TEAD3: variants seen among roughly 807,000 people sequenced by gnomAD.
TEAD3 encodes the protein transcriptional enhancer factor TEF-5.
A neutral mutation model predicts 55.6 loss-of-function variants in TEAD3; 15 were observed. The observed-to-expected ratio is 0.27, with a 90% confidence interval of 0.18 to 0.42. TEAD3 has a LOEUF of 0.42. Ranked by LOEUF, TEAD3 falls within the 10% of genes least tolerant of loss-of-function variation. The pLI is 1.00. For synonymous variants in TEAD3, 210 were observed against 232.2 expected, an observed-to-expected ratio of 0.90 and a Z score of 0.87; for missense variants, 407 against 576.8, an observed-to-expected ratio of 0.71 and a Z score of 3.01.
chr6:35,477,440 C>G, intron 7 of TEAD3, 68 bp from the exon 8 acceptor site: 1 of 1,484,406 alleles, frequency 6.7e-7, no homozygotes, highest in Non-Finnish European at 9.1e-7. Context: ...CCCAGCCCCT[C>G]TTCCAAGACC....
At chr6:35,478,017 ATTTT>A (rs57932235) in intron 7 of TEAD3, among the ~76,000 whole-genome samples, 2 of 137,832 alleles carry the variant, frequency 1.5e-5, no homozygotes, top group Admixed American at 7.3e-5. Flanking sequence ...CACCCAGCTA[ATTTT>A]TTTTTTTTTT....
intron 1 of TEAD3, among the ~76,000 whole-genome samples, chr6:35,490,122 C>T (rs1238211485): frequency 6.6e-6 from 1 of 152,180 alleles, no homozygotes. Context: ...CAGGCAGCCC[C>T]AGACTTTTAA....
Position 35,475,379 on chromosome 6 carries a change from T to G in TEAD3, c.1151A>C (p.Lys384Thr), listed in dbSNP as rs1489401271. Residue 384 changes from lysine (K) to threonine (T), a missense_variant, in exon 12 of 13, where the codon AAG becomes ACG. Lys to Thr is a moderately conservative substitution (Grantham distance 78). Transcript: ENST00000639578. This position sits in a 1 kb window ranked among gnomAD's most constrained non-coding sequence, Gnocchi z 5.4. ...CTCCAGCACGCTGTTCATCATGTAC[T>G]TCTCGGGCAGGTGCTTCAGCTTGTG... The G allele has an allele frequency of 5.0e-6, 8 of 1,614,000 alleles. No individual in the cohort carries two copies. Among genetic ancestry groups the G allele is most frequent in the Non-Finnish European group, 6.8e-6 (8 of 1,180,006 alleles).
At position 35,475,713 on chromosome 6, in the gene TEAD3, A is replaced by G. The variant is rs747005588; in HGVS notation, c.901-7T>C. ...TGGTGCTGTTGAGGTCGGCCTGGGC[A>G]TGGGGGTGGGGGGTGTTAGGTGCTG... On this transcript the variant is annotated splice_region_variant and splice_polypyrimidine_tract_variant and intron_variant, in intron 10 of 12. Transcript: ENST00000639578. This position sits in a 1 kb window ranked among gnomAD's most constrained non-coding sequence, Gnocchi z 5.4. The G allele has an allele frequency of 1.3e-6, 2 of 1,581,266 alleles. No individual in the cohort carries two copies. Among genetic ancestry groups the G allele is most frequent in the African/African-American group, 2.7e-5 (2 of 74,036 alleles).
chr6:35,487,548 CAAAA>C (rs869103103), intron 1 of TEAD3, among the ~76,000 whole-genome samples: 133 of 54,636 alleles, frequency 2.4e-3, no homozygotes, highest in East Asian at 0.016. Flanking sequence ...CGAGACTCCT[CAAAA>C]AAAAAAAAAA....
Position 35,484,500 on chromosome 6 carries a change from G to T in TEAD3, c.267+60C>A. ...GTGGGCAGGGTAGGGGCAAGGGGTTGACCGGGGCAGCTGAGACAGAGTGTG... is the reference window on the plus strand; with the variant it reads ...GTGGGCAGGGTAGGGGCAAGGGGTTTACCGGGGCAGCTGAGACAGAGTGTG... On this transcript the variant is annotated intron_variant, in intron 3 of 12. Transcript: ENST00000639578. This position sits in a 1 kb window ranked among gnomAD's most constrained non-coding sequence, Gnocchi z 5.8. 1 of 1,527,292 alleles carries T rather than the reference G, an allele frequency of 6.5e-7. No individual in the cohort carries two copies. The allele number at this position is 1,527,292 out of a possible 1,614,324, so 94.6% of individuals were successfully genotyped here. A position where few individuals can be genotyped will look rare whatever the true frequency, so the allele number is the denominator to read the frequency against.
chr6:35,490,875 G>C (rs1430078756), intron 1 of TEAD3, among the ~76,000 whole-genome samples: 1 of 152,154 alleles, frequency 6.6e-6, no homozygotes, highest in Non-Finnish European at 1.5e-5. Flanking sequence ...CGGGCGAGAG[G>C]GCAAGCCCTG....
chr6:35,493,463 A>G (rs1768575956), intron 1 of TEAD3, among the ~76,000 whole-genome samples: 1 of 152,104 alleles, frequency 6.6e-6, no homozygotes, highest in Admixed American at 6.5e-5. Flanking sequence ...CCACAGCGCC[A>G]GCATCAGTCA....
intron 8 of TEAD3, among the ~76,000 whole-genome samples, chr6:35,477,073 A>T (rs1024157554): frequency 1.2e-4 from 19 of 152,178 alleles, no homozygotes; most frequent in Non-Finnish European, 7.3e-5. Context: ...CACCTGCCTC[A>T]GCCTCCCAAA....
At chr6:35,495,145 G>A (rs139745632) in intron 1 of TEAD3, among the ~76,000 whole-genome samples, 73 of 152,362 alleles carry the variant, frequency 4.8e-4, no homozygotes, top group African/African-American at 1.6e-3. Flanking sequence ...TTAAAGGTCC[G>A]GAGGGGACCA....
At position 35,486,545 on chromosome 6, in the gene TEAD3, C is replaced by G; in HGVS notation, c.118G>C (p.Glu40Gln). ...GCCAGGGCCTCCTGGAAGCTCTGCT[C>G]GATGTCCGGGCTCCACACGCCCTCC... The change falls in exon 2 of 13, where the codon GAG (glutamate) becomes CAG (glutamine). Residue 40 changes from glutamate (E) to glutamine (Q), a missense_variant. By Grantham distance (29) the Glu-to-Gln change is conservative. Transcript: ENST00000639578. This position sits in a 1 kb window ranked among gnomAD's most constrained non-coding sequence, Gnocchi z 7.3. 1.9e-6 allele frequency: 3 copies of G among 1,613,690 alleles called. No individual in the cohort carries two copies. Among genetic ancestry groups the G allele is most frequent in the Non-Finnish European group, 2.5e-6 (3 of 1,179,806 alleles).
Position 35,483,060 on chromosome 6 carries a change from A to T in TEAD3, c.267+1500T>A, listed in dbSNP as rs1026095713. 4.6e-5 allele frequency among the ~76,000 whole-genome samples: 7 copies of T among 152,276 alleles called. No homozygotes were observed. Among genetic ancestry groups the T allele is most frequent in the Middle Eastern group, 3.4e-3 (1 of 294 alleles). ...ACTCCCAGGTAGAACCAGTATTTGA[A>T]CCCAAGGGCTCCAGGGGACAGGGCT... On this transcript the variant is annotated intron_variant, in intron 3 of 12. Coordinates refer to ENST00000639578, the Ensembl canonical transcript of TEAD3. The surrounding 1 kb of genome is among the most constrained non-coding windows in gnomAD (Gnocchi z 4.5).
rs973563967 is a variant in TEAD3 at position 35,486,080 on chromosome 6, T to G, written c.202+381A>C. On this transcript the variant is annotated intron_variant, in intron 2 of 12. Transcript: ENST00000639578. The surrounding 1 kb of genome is among the most constrained non-coding windows in gnomAD (Gnocchi z 7.3). ...GCACTGGAGAGAACTATACGGGCTG[T>G]GGGAGTCACCGGGCGACTATCACCG... Among the ~76,000 whole-genome samples the G allele has an allele frequency of 3.0e-4, 45 of 152,140 alleles. No individual in the cohort carries two copies. The highest frequency in any genetic ancestry group is 1.0e-3 in the African/African-American group (42 of 41,432).
Position 35,486,449 on chromosome 6 carries a change from C to T in TEAD3, c.202+12G>A, listed in dbSNP as rs780293989. The T allele has an allele frequency of 4.2e-5, 67 of 1,607,690 alleles. No homozygotes were observed. The highest frequency in any genetic ancestry group is 5.4e-5 in the Non-Finnish European group (63 of 1,175,948). The stretch of plus-strand genomic sequence containing the variant: ...AAGGGCCGCAGTCCCGCCCGCGCCC[C>T]CCGGCACGCACCGTACATCTTGCCC... On this transcript the variant is annotated intron_variant, in intron 2 of 12. Transcript: ENST00000639578. This position sits in a 1 kb window ranked among gnomAD's most constrained non-coding sequence, Gnocchi z 7.3.
chr6:35,478,238 A>G, intron 7 of TEAD3, 37 bp downstream of exon 7: 1 of 1,611,696 alleles, frequency 6.2e-7, no homozygotes, highest in East Asian at 2.2e-5. Context: ...GGCTGCCAGG[A>G]GGAAGAGGGC....
intron 1 of TEAD3, among the ~76,000 whole-genome samples, chr6:35,487,308 C>T (rs1381666838): frequency 6.6e-6 from 1 of 152,142 alleles, no homozygotes; most frequent in Non-Finnish European, 1.5e-5. Context: ...AATCCCATCA[C>T]TTTGGGAGGC....
chr6:35,475,251 G>A lies in TEAD3; in HGVS notation c.1194+85C>T, dbSNP rs1421534226. ...AGACCATTCTCCTTTCCGGATCTAT[G>A]CCTCTCAGCCAAGCGATGTGTCTGG... is the stretch of plus-strand genomic sequence containing the variant. On this transcript the variant is annotated intron_variant, in intron 12 of 12. Coordinates refer to ENST00000639578, the Ensembl canonical transcript of TEAD3. The surrounding 1 kb of genome is among the most constrained non-coding windows in gnomAD (Gnocchi z 5.4). 3 of 1,600,532 alleles carry A rather than the reference G, an allele frequency of 1.9e-6. No homozygotes were observed. The highest frequency in any genetic ancestry group is 2.6e-6 in the Non-Finnish European group (3 of 1,172,160).
chr6:35,486,449 C>CCCGGCACGCA lies in TEAD3; in HGVS notation c.202+2_202+11dup. ...AAGGGCCGCAGTCCCGCCCGCGCCC[C>CCCGGCACGCA]CCGGCACGCACCGTACATCTTGCCC... On this transcript the variant is annotated intron_variant, in intron 2 of 12. Transcript: ENST00000639578. The surrounding 1 kb of genome is among the most constrained non-coding windows in gnomAD (Gnocchi z 7.3). The CCCGGCACGCA allele has an allele frequency of 6.2e-7, 1 of 1,607,808 alleles. No individual in the cohort carries two copies. The highest frequency in any genetic ancestry group is 8.5e-7 in the Non-Finnish European group (1 of 1,175,940).
rs1561810246 is a variant in TEAD3, at chr6:35,496,643, C to T, written c.-50+255G>A. 1.3e-5 allele frequency among the ~76,000 whole-genome samples: 2 copies of T among 152,180 alleles called. No individual in the cohort carries two copies. Among genetic ancestry groups the T allele is most frequent in the Non-Finnish European group, 2.9e-5 (2 of 68,026 alleles). On this transcript the variant is annotated intron_variant, in intron 1 of 12. Transcript: ENST00000639578. The surrounding 1 kb of genome is among the most constrained non-coding windows in gnomAD (Gnocchi z 4.8). The stretch of plus-strand genomic sequence containing the variant: ...GGCGACGGCACAGGGGACACGGTCT[C>T]CCCGGCTTCCCCACCTTCCCGGACC...
Sources: gnomAD v4.1 joint callset for allele counts (sites outside exome capture counted in the v4.1 genomes callset) on GRCh38, gnomAD v4.1.1 for gene constraint, Gnocchi (gnomAD v3.1) non-coding constraint, MANE v1.5 for transcripts, NCBI Gene and HGNC (gene_info 2026-07-23, HGNC 2026-07-21) for gene names.